The following KIF16B variants were observed in gnomAD, a reference collection of about 807,000 sequenced individuals.
KIF16B encodes the protein kinesin-like protein KIF16B.
KIF16B carries 98 observed loss-of-function variants against 156.3 expected under a neutral mutation model. That is an observed-to-expected ratio of 0.63 (90% CI 0.53 to 0.74). KIF16B has a LOEUF of 0.74. Among genes scored for constraint, KIF16B ranks in the 30% least tolerant of loss-of-function variants. The pLI is 0.00. For synonymous variants in KIF16B, 564 were observed against 583.7 expected (o/e 0.97, Z 0.49); for missense variants, 1,421 against 1,606.5 (o/e 0.88, Z 1.97).
chr20:16,367,319 C>G (rs180720160), intron 22 of KIF16B: 10 of 1,612,884 alleles, frequency 6.2e-6, no homozygotes, highest in Non-Finnish European at 8.5e-6. Flanking sequence ...CTGGAACCCA[C>G]TGAAGGTTTG....
Position 16,504,358 on chromosome 20 carries a change from C to T in KIF16B, c.1176+14G>A. On this transcript the variant is annotated intron_variant, in intron 10 of 25. Coordinates refer to ENST00000354981, the MANE Select transcript of KIF16B (RefSeq NM_024704.5). Reference sequence around the variant, plus strand: ...CTCAAAGAAAATTATCCATAAATCTCAGAAAAACCCAACCTGATTCCCTTG... The same window carrying T: ...CTCAAAGAAAATTATCCATAAATCTTAGAAAAACCCAACCTGATTCCCTTG... 2 of 1,611,642 alleles carry T rather than the reference C, an allele frequency of 1.2e-6. No homozygotes were observed. Among genetic ancestry groups the T allele is most frequent in the Non-Finnish European group, 1.7e-6 (2 of 1,178,436 alleles).
At chr20:16,434,663 C>T (rs1294179498) in intron 12 of KIF16B, among the ~76,000 whole-genome samples, 1 of 152,076 alleles carries the variant, frequency 6.6e-6, no homozygotes, top group Non-Finnish European at 1.5e-5. Context: ...ATAGCTGCAC[C>T]AGGCACACAG....
intron 12 of KIF16B, among the ~76,000 whole-genome samples, chr20:16,430,932 A>AAAAAAAC (rs747284120): frequency 1.3e-5 from 2 of 149,778 alleles, no homozygotes; most frequent in South Asian, 2.1e-4. Context: ...TAACACATTA[A>AAAAAAAC]AAAAAACAAA....
chr20:16,306,211 T>C (rs2063538672), intron 25 of KIF16B, among the ~76,000 whole-genome samples: 1 of 152,194 alleles, frequency 6.6e-6, no homozygotes, highest in Non-Finnish European at 1.5e-5. Flanking sequence ...CGCTTTAAAA[T>C]ACATCCCAGA....
At chr20:16,525,576 T>A (rs758574042) in intron 3 of KIF16B, among the ~76,000 whole-genome samples, 3 of 152,240 alleles carry the variant, frequency 2.0e-5, no homozygotes, top group Non-Finnish European at 4.4e-5. Flanking sequence ...AGGCAAGATT[T>A]CTTGGACAAA....
intron 17 of KIF16B, among the ~76,000 whole-genome samples, chr20:16,396,718 T>G (rs1441960993): frequency 6.6e-6 from 1 of 150,554 alleles, no homozygotes; most frequent in Non-Finnish European, 1.5e-5. Flanking sequence ...AAAAATACAT[T>G]TAAGTATCAC....
intron 23 of KIF16B, among the ~76,000 whole-genome samples, chr20:16,342,944 T>C (rs139012032): frequency 6.4e-4 from 97 of 152,162 alleles, no homozygotes; most frequent in African/African-American, 2.2e-3. Context: ...TGAGAAAAAA[T>C]AGACAGAAAG....
chr20:16,298,959 G>A (rs889185620), intron 25 of KIF16B, among the ~76,000 whole-genome samples: 5 of 151,784 alleles, frequency 3.3e-5, no homozygotes, highest in Non-Finnish European at 5.9e-5. Context: ...CCAGAAAGAC[G>A]TATCAACCAA....
Position 16,379,406 on chromosome 20 carries a change from A to G in KIF16B, c.2596T>C (p.Cys866Arg). Reference protein sequence around the residue: ...EEQEILECLKCEHDKESRLLE... With the variant: ...EEQEILECLKREHDKESRLLE... The stretch of plus-strand genomic sequence containing the variant: ...AATCTAGATTCTTTGTCATGTTCAC[A>G]TTTTAAACACTCTAGGATCTCCTGT... The change falls in exon 19 of 26, where the codon TGT becomes CGT. Residue 866 changes from cysteine (C) to arginine (R), a missense_variant. Coordinates refer to ENST00000354981, the MANE Select transcript of KIF16B (RefSeq NM_024704.5). 1 of 1,609,292 alleles carries G rather than the reference A, an allele frequency of 6.2e-7. No homozygotes were observed. Among genetic ancestry groups the G allele is most frequent in the Non-Finnish European group, 8.5e-7 (1 of 1,178,222 alleles).
chr20:16,469,328 G>A (rs1459671165), intron 12 of KIF16B, among the ~76,000 whole-genome samples: 1 of 135,998 alleles, frequency 7.4e-6, no homozygotes, highest in Non-Finnish European at 1.6e-5. Context: ...ATCAACAACA[G>A]AAAGATAAAT....
intron 1 of KIF16B, among the ~76,000 whole-genome samples, chr20:16,556,430 G>A (rs2070850507): frequency 6.6e-6 from 1 of 152,116 alleles, no homozygotes; most frequent in South Asian, 2.1e-4. Flanking sequence ...CTCTATATGT[G>A]GTCAGTAAAT....
rs957349226 is a variant in KIF16B, at chr20:16,457,783, G to T, written c.1303-27801C>A. ...GGAGCTCCCCCTTGACATCCACAAGGACTTGAAACAGGGCAAAAAAAATCA... is the reference window on the plus strand; with the variant it reads ...GGAGCTCCCCCTTGACATCCACAAGTACTTGAAACAGGGCAAAAAAAATCA... On this transcript the variant is annotated intron_variant, in intron 12 of 25. Coordinates refer to ENST00000354981, the MANE Select transcript of KIF16B (RefSeq NM_024704.5). Among the ~76,000 whole-genome samples the T allele has an allele frequency of 3.3e-5, 5 of 151,776 alleles. No individual in the cohort carries two copies. In the East Asian group the frequency reaches 7.7e-4, roughly 23 times the overall value.
chr20:16,366,114 A>AC (rs2123242001), intron 22 of KIF16B, among the ~76,000 whole-genome samples: 1 of 152,142 alleles, frequency 6.6e-6, no homozygotes, highest in Non-Finnish European at 1.5e-5. Flanking sequence ...GGAGCTAGAG[A>AC]CCCTGAAGAG....
At position 16,312,362 on chromosome 20, in the gene KIF16B, C is replaced by T. The variant is rs774883081; in HGVS notation, c.3768G>A (p.Val1256=). 3 of 1,613,382 alleles carry T rather than the reference C, an allele frequency of 1.9e-6. No homozygotes were observed. Among genetic ancestry groups the T allele is most frequent in the Admixed American group, 3.3e-5 (2 of 59,990 alleles). ...CTAAGTGACTTCGTCTCTCAGCAAT[C>T]ACACGTTCATCCTTATTTCCAAATA... ...KKLFGNKDER[V]IAERRSHLEK... is the part of the protein sequence containing the mutation. The change falls in exon 25 of 26, where the codon GTG becomes GTA. Residue 1256 remains valine (V), a synonymous_variant. Transcript: ENST00000354981.
chr20:16,367,411 T>C (rs2064695977), intron 22 of KIF16B: 1 of 1,612,776 alleles, frequency 6.2e-7, no homozygotes, highest in African/African-American at 1.3e-5. Flanking sequence ...ACTTAAAGCA[T>C]GGCATTTGAT....
intron 4 of KIF16B, among the ~76,000 whole-genome samples, chr20:16,514,307 C>T (rs2069060246): frequency 6.6e-6 from 1 of 151,934 alleles, no homozygotes; most frequent in Non-Finnish European, 1.5e-5. Flanking sequence ...ATTTGTTCTT[C>T]CCTTTTCGGA....
intron 17 of KIF16B, among the ~76,000 whole-genome samples, chr20:16,384,953 T>C (rs938918667): frequency 1.2e-4 from 18 of 152,066 alleles, no homozygotes; most frequent in Admixed American, 5.2e-4. Flanking sequence ...TCCCAACACT[T>C]TGGGAGGCTG....
intron 24 of KIF16B, among the ~76,000 whole-genome samples, chr20:16,314,751 G>A (rs986454989): frequency 3.9e-5 from 6 of 152,094 alleles, no homozygotes; most frequent in South Asian, 2.1e-4. Flanking sequence ...CAAGTGGCAC[G>A]CCCACATTCC....
intron 12 of KIF16B, among the ~76,000 whole-genome samples, chr20:16,487,038 G>A (rs1201662608): frequency 6.6e-6 from 1 of 152,038 alleles, no homozygotes; most frequent in Admixed American, 6.6e-5. Context: ...TGGATCACAG[G>A]GTCAGGAGAT....
Sources: allele counts gnomAD v4.1 joint callset (sites outside exome capture counted in the v4.1 genomes callset), GRCh38; gene constraint gnomAD v4.1.1; transcripts MANE v1.5; gene names NCBI Gene and HGNC (gene_info 2026-07-23, HGNC 2026-07-21).